ADAM12: variants seen among roughly 807,000 people sequenced by gnomAD.
The protein encoded by ADAM12 is ADAM metallopeptidase domain 12, also known as disintegrin and metalloproteinase domain-containing protein 12.
Under a neutral mutation model 106.4 loss-of-function variants are expected in ADAM12, and 70 were observed. The ratio of observed to expected loss-of-function variants is 0.66; its 90% CI spans 0.54 to 0.80. The LOEUF (loss-of-function observed/expected upper bound fraction) is 0.80. Among genes scored for constraint, ADAM12 ranks in the 30% least tolerant of loss-of-function variants. The pLI, the probability that ADAM12 is intolerant of heterozygous loss-of-function variation, is 0.00. For missense variants in ADAM12, 1,010 were observed against 1,171.9 expected (o/e 0.86, Z 2.02); for synonymous variants, 420 against 433.5 (o/e 0.97, Z 0.39).
At chr10:126,094,270 C>T (rs1232938375) in intron 10 of ADAM12, 137 bp from the exon 11 acceptor site, 39 of 858,390 alleles carry the variant, frequency 4.5e-5, no homozygotes, top group South Asian at 1.2e-4. Flanking sequence ...CAAGGTAAAA[C>T]GCTATCATTT....
intron 2 of ADAM12, among the ~76,000 whole-genome samples, chr10:126,312,151 A>C (rs1049161231): frequency 7.0e-6 from 1 of 143,122 alleles, no homozygotes; most frequent in Admixed American, 6.8e-5. Context: ...AAAAAAAAAA[A>C]ACCCACGTTT....
At chr10:126,186,635 A>G (rs1171897017) in intron 3 of ADAM12, among the ~76,000 whole-genome samples, 2 of 151,908 alleles carry the variant, frequency 1.3e-5, no homozygotes, top group African/African-American at 4.8e-5. Context: ...AGTGGGCCAT[A>G]GAGGGGGGCA....
intron 3 of ADAM12, among the ~76,000 whole-genome samples, chr10:126,253,797 G>A (rs1958834205): frequency 6.6e-6 from 1 of 152,052 alleles, no homozygotes; most frequent in Non-Finnish European, 1.5e-5. Context: ...GGAATGAGAT[G>A]CGGTTCTTGC....
intron 1 of ADAM12, among the ~76,000 whole-genome samples, chr10:126,364,159 T>C (rs1372828259): frequency 2.0e-5 from 3 of 152,132 alleles, no homozygotes; most frequent in Non-Finnish European, 4.4e-5. Context: ...TAAAAAAATC[T>C]ATTTGAAAAC....
At chr10:126,315,911 G>A (rs534821559) in intron 2 of ADAM12, among the ~76,000 whole-genome samples, 2 of 152,166 alleles carry the variant, frequency 1.3e-5, no homozygotes, top group South Asian at 2.1e-4. Flanking sequence ...CCAGCGATCC[G>A]ATGCATTCCC....
intron 8 of ADAM12, among the ~76,000 whole-genome samples, chr10:126,107,107 A>C (rs937222735): frequency 6.6e-6 from 1 of 152,164 alleles, no homozygotes; most frequent in African/African-American, 2.4e-5. Context: ...ATGAACACAC[A>C]CATGAACACA....
intron 21 of ADAM12, among the ~76,000 whole-genome samples, chr10:126,035,318 C>G (rs1460359317): frequency 6.6e-6 from 1 of 152,118 alleles, no homozygotes; most frequent in African/African-American, 2.4e-5. Context: ...AGATTTACCT[C>G]TCTAGAACTT....
At chr10:126,087,784 C>A (rs1435592033) in intron 11 of ADAM12, among the ~76,000 whole-genome samples, 2 of 152,196 alleles carry the variant, frequency 1.3e-5, no homozygotes, top group African/African-American at 2.4e-5. Context: ...GAATTTCTAT[C>A]AATTCCTACC....
intron 3 of ADAM12, among the ~76,000 whole-genome samples, chr10:126,220,155 T>C (rs1958063298): frequency 6.6e-6 from 1 of 152,186 alleles, no homozygotes; most frequent in African/African-American, 2.4e-5. Context: ...TTCAGAGACA[T>C]GTGTGTCTGT....
At chr10:126,273,726 G>A (rs1025831466) in intron 3 of ADAM12, among the ~76,000 whole-genome samples, 4 of 152,124 alleles carry the variant, frequency 2.6e-5, no homozygotes, top group Admixed American at 6.5e-5. Flanking sequence ...ATTTAGAAAC[G>A]CTGAAACAGA....
At chr10:126,082,369 T>TG (rs1281119411) in intron 11 of ADAM12, among the ~76,000 whole-genome samples, 1 of 142,578 alleles carries the variant, frequency 7.0e-6, no homozygotes, top group African/African-American at 2.7e-5. Flanking sequence ...GACTGTTTTT[T>TG]TTTTTTTTTT....
chr10:126,133,863 C>T (rs1956355145), intron 5 of ADAM12, among the ~76,000 whole-genome samples: 1 of 152,196 alleles, frequency 6.6e-6, no homozygotes, highest in African/African-American at 2.4e-5. Context: ...CTACCTACCT[C>T]ATCTAAAGGG....
At chr10:126,351,412 C>T (rs1028724521) in intron 1 of ADAM12, among the ~76,000 whole-genome samples, 5 of 152,210 alleles carry the variant, frequency 3.3e-5, no homozygotes, top group African/African-American at 9.6e-5. Flanking sequence ...CAATGGATCC[C>T]TGTCTGAAGC....
At chr10:126,033,363 C>G (rs1391970710) in intron 21 of ADAM12, among the ~76,000 whole-genome samples, 2 of 152,154 alleles carry the variant, frequency 1.3e-5, no homozygotes, top group Non-Finnish European at 2.9e-5. Flanking sequence ...GAGGTCTGGA[C>G]AAGGTGGAAT....
At chr10:126,081,665 T>A (rs1590382421) in intron 11 of ADAM12, among the ~76,000 whole-genome samples, 1 of 152,198 alleles carries the variant, frequency 6.6e-6, no homozygotes, top group African/African-American at 2.4e-5. Context: ...TGTTTTCACA[T>A]CTATAAAATA....
At chr10:126,065,621 C>A (rs74158101) in intron 13 of ADAM12, among the ~76,000 whole-genome samples, 3 of 152,054 alleles carry the variant, frequency 2.0e-5, no homozygotes, top group Non-Finnish European at 2.9e-5. Flanking sequence ...CAGAGTAGCC[C>A]GTCTGAGGCT....
chr10:126,297,574 G>A (rs546361881), intron 2 of ADAM12, among the ~76,000 whole-genome samples: 1 of 152,112 alleles, frequency 6.6e-6, no homozygotes, highest in Non-Finnish European at 1.5e-5. Context: ...GCAAAACAAC[G>A]TGGGAACCAC....
chr10:126,061,389 G>A lies in ADAM12; in HGVS notation c.1609+3417C>T, dbSNP rs114481442. Reference sequence around the variant, plus strand: ...TACAGATGAGGCATAACAAGGTTGAGCAATTTGCAGAAGGTCCCTTGCTAG... The same window carrying A: ...TACAGATGAGGCATAACAAGGTTGAACAATTTGCAGAAGGTCCCTTGCTAG... On this transcript the variant is annotated intron_variant, in intron 14 of 22. Coordinates refer to ENST00000448723, the MANE Select transcript of ADAM12 (RefSeq NM_001288973.2). Among the ~76,000 whole-genome samples, 888 of 152,344 alleles carry A rather than the reference G, an allele frequency of 5.8e-3. 9 individuals are homozygous for A. Among genetic ancestry groups the A allele is most frequent in the African/African-American group, 0.02 (842 of 41,572 alleles).
At chr10:126,050,846 C>A (rs369644781) in intron 14 of ADAM12, among the ~76,000 whole-genome samples, 1 of 152,204 alleles carries the variant, frequency 6.6e-6, no homozygotes, top group Admixed American at 6.5e-5. Flanking sequence ...AATGAGCCAG[C>A]CTTGCACCTC....
Sources: gnomAD v4.1 joint callset for allele counts (sites outside exome capture counted in the v4.1 genomes callset) on GRCh38, gnomAD v4.1.1 for gene constraint, MANE v1.5 for transcripts, NCBI Gene and HGNC (gene_info 2026-07-23, HGNC 2026-07-21) for gene names.